Variants in SPATS2 observed in about 807,000 individuals in gnomAD.
SPATS2 encodes spermatogenesis associated serine rich 2, also known as spermatogenesis-associated serine-rich protein 2.
A neutral mutation model predicts 63.7 loss-of-function variants in SPATS2; 38 were observed. That is an observed-to-expected ratio of 0.60 (90% CI 0.46 to 0.78). The LOEUF (loss-of-function observed/expected upper bound fraction) is 0.78, where lower values mean the gene tolerates loss of function less well. Among genes scored for constraint, SPATS2 ranks in the 30% least tolerant of loss-of-function variants. The pLI is 0.00. For missense variants in SPATS2, 588 were observed against 666.2 expected (o/e 0.88, Z 1.29); for synonymous variants, 207 against 232.9 (o/e 0.89, Z 1.01).
At chr12:49,467,625 C>T (rs571485661) in intron 3 of SPATS2, among the ~76,000 whole-genome samples, 1 of 152,300 alleles carries the variant, frequency 6.6e-6, no homozygotes, top group South Asian at 2.1e-4. Context: ...CTGTATCTGA[C>T]TATATATCAG....
chr12:49,372,987 T>A (rs959010774), intron 2 of SPATS2, among the ~76,000 whole-genome samples: 17 of 126,808 alleles, frequency 1.3e-4, no homozygotes, highest in Non-Finnish European at 1.0e-4. Context: ...TGTGTGTGTG[T>A]GTGTGATGGA....
chr12:49,414,935 C>CTTTTTTTTTTTTTTTTTTTT (rs199648430), intron 2 of SPATS2, among the ~76,000 whole-genome samples: 10 of 135,900 alleles, frequency 7.4e-5, no homozygotes, highest in African/African-American at 2.0e-4. Flanking sequence ...TTTTCTTTTT[C>CTTTTTTTTTTTTTTTTTTTT]TTTTCTTTTT....
chr12:49,461,575 G>C (rs1477647738), intron 3 of SPATS2, among the ~76,000 whole-genome samples: 2 of 152,106 alleles, frequency 1.3e-5, no homozygotes, highest in Non-Finnish European at 2.9e-5. Flanking sequence ...AATTTCAAGG[G>C]ACAAAGTGAA....
chr12:49,402,602 C>T (rs1944625787), intron 2 of SPATS2, among the ~76,000 whole-genome samples: 1 of 152,030 alleles, frequency 6.6e-6, no homozygotes, highest in Admixed American at 6.6e-5. Flanking sequence ...GAGGTGCGAG[C>T]ATCAGAACAG....
At chr12:49,410,499 T>A (rs1944779785) in intron 2 of SPATS2, among the ~76,000 whole-genome samples, 1 of 152,180 alleles carries the variant, frequency 6.6e-6, no homozygotes, top group African/African-American at 2.4e-5. Flanking sequence ...GCCCACATCA[T>A]ACTTACTATC....
chr12:49,496,552 A>G (rs1361539699), intron 7 of SPATS2, among the ~76,000 whole-genome samples: 1 of 152,242 alleles, frequency 6.6e-6, no homozygotes, highest in Non-Finnish European at 1.5e-5. Context: ...CAAGCTACAA[A>G]GAAGCCACAG....
intron 12 of SPATS2, among the ~76,000 whole-genome samples, chr12:49,523,200 C>T (rs946646114): frequency 1.1e-4 from 16 of 152,130 alleles, no homozygotes; most frequent in African/African-American, 1.9e-4. Context: ...ACAGGCCACG[C>T]GCCGAGGCTC....
intron 2 of SPATS2, among the ~76,000 whole-genome samples, chr12:49,403,420 G>C (rs1230740060): frequency 2.0e-5 from 3 of 152,092 alleles, no homozygotes; most frequent in African/African-American, 7.2e-5. Flanking sequence ...CTGAGGTCAG[G>C]AGTTCGAGAC....
At chr12:49,400,912 G>A (rs550082822) in intron 2 of SPATS2, among the ~76,000 whole-genome samples, 4 of 152,244 alleles carry the variant, frequency 2.6e-5, no homozygotes, top group South Asian at 2.1e-4. Flanking sequence ...ATCTTACTCC[G>A]TCAGCCAGGC....
intron 3 of SPATS2, among the ~76,000 whole-genome samples, chr12:49,464,859 C>A (rs1015995909): frequency 6.6e-6 from 1 of 152,008 alleles, no homozygotes; most frequent in Non-Finnish European, 1.5e-5. Flanking sequence ...TTTTCCTTAT[C>A]CCCCAATATT....
intron 2 of SPATS2, among the ~76,000 whole-genome samples, chr12:49,377,724 A>G (rs913890805): frequency 2.0e-5 from 3 of 152,156 alleles, no homozygotes; most frequent in Non-Finnish European, 4.4e-5. Flanking sequence ...CAATATTGAT[A>G]GTATAGTTAT....
At chr12:49,479,027 C>A (rs1452767845) in intron 3 of SPATS2, among the ~76,000 whole-genome samples, 1 of 152,226 alleles carries the variant, frequency 6.6e-6, no homozygotes, top group Non-Finnish European at 1.5e-5. Flanking sequence ...GGTTTGCCAG[C>A]AGGTCGTCCC....
chr12:49,387,363 G>A (rs979265359), intron 2 of SPATS2, among the ~76,000 whole-genome samples: 1 of 151,864 alleles, frequency 6.6e-6, no homozygotes, highest in African/African-American at 2.4e-5. Flanking sequence ...GAGGCCAGGC[G>A]TGGTGGCTCA....
rs779099983 is a variant in SPATS2, at chr12:49,489,562, C to T, written c.203C>T (p.Ala68Val). The change falls in exon 5 of 14, where the codon GCA (alanine) becomes GTA (valine). Residue 68 changes from alanine to valine, a missense_variant. Transcript: ENST00000552918. Reference protein sequence around the residue: ...FDNCVDKTVQAFMEGSASEVL... With the variant: ...FDNCVDKTVQVFMEGSASEVL... ...AACTGTGTGGACAAAACAGTACAAG[C>T]ATTCATGGAAGGTAATCCTGACTTA... 6.2e-7 allele frequency: 1 copy of T among 1,611,484 alleles called. No homozygotes were observed. Among genetic ancestry groups the T allele is most frequent in the East Asian group, 2.2e-5 (1 of 44,782 alleles).
At chr12:49,438,607 T>A (rs1945359177) in intron 2 of SPATS2, among the ~76,000 whole-genome samples, 4 of 152,232 alleles carry the variant, frequency 2.6e-5, no homozygotes. Context: ...TGTCTATTTT[T>A]AAAAAATTTT....
intron 2 of SPATS2, among the ~76,000 whole-genome samples, chr12:49,379,623 AT>A (rs529791925): frequency 1.6e-3 from 213 of 129,486 alleles, no homozygotes; most frequent in African/African-American, 1.8e-3. Flanking sequence ...ATCTAGTTCA[AT>A]TTTTTTTTTT....
rs1274287077 is a variant in SPATS2, at chr12:49,367,502, CT to C, written c.-391del. 1 of 398,630 alleles carries C rather than the reference CT, an allele frequency of 2.5e-6. No individual in the cohort carries two copies. Among genetic ancestry groups the C allele is most frequent in the East Asian group, 3.6e-5 (1 of 28,080 alleles). The allele number at this position is 398,630 out of a possible 1,614,324, so 24.7% of individuals were successfully genotyped here. Reference sequence around the variant, plus strand: ...GGCTCTAGAAGGGGAGGTGGAGGATCTCCTTTCCTCTTCTCAGACCCGGGAG... The same window carrying C: ...GGCTCTAGAAGGGGAGGTGGAGGATCCCTTTCCTCTTCTCAGACCCGGGAG... On this transcript the variant is annotated 5_prime_UTR_variant, in exon 1 of 14. Coordinates refer to ENST00000552918, the MANE Select transcript of SPATS2 (RefSeq NM_023071.4).
At chr12:49,461,127 T>A in intron 3 of SPATS2, 90 bp downstream of exon 3, 5 of 1,373,784 alleles carry the variant, frequency 3.6e-6, no homozygotes, top group Non-Finnish European at 5.1e-6. Flanking sequence ...CCTTCTAATG[T>A]GTTTTGAATG....
intron 3 of SPATS2, chr12:49,462,256 C>G (rs1334648362): frequency 1.4e-6 from 1 of 702,012 alleles, no homozygotes; most frequent in Admixed American, 2.0e-5. Context: ...CTCAGCCTGC[C>G]TCTCTCAACT....
Sources: allele counts gnomAD v4.1 joint callset (sites outside exome capture counted in the v4.1 genomes callset), GRCh38; gene constraint gnomAD v4.1.1; transcripts MANE v1.5; gene names NCBI Gene and HGNC (gene_info 2026-07-23, HGNC 2026-07-21).